LRCH1: variants seen among roughly 807,000 people sequenced by gnomAD.
LRCH1 encodes the protein leucine rich repeats and calponin homology domain containing 1, also known as leucine-rich repeat and calponin homology domain-containing protein 1.
In LRCH1, 23 loss-of-function variants were observed where a neutral mutation model predicts 94.9. The observed-to-expected ratio is 0.24, with a 90% confidence interval of 0.17 to 0.34. The LOEUF is 0.34. LRCH1 is among the 10% of genes least tolerant of loss of function. The pLI is 1.00. For missense variants in LRCH1, 790 were observed against 945.9 expected, an observed-to-expected ratio of 0.84 and a Z score of 2.16; for synonymous variants, 364 against 354.9, an observed-to-expected ratio of 1.03 and a Z score of -0.29.
At chr13:46,611,850 A>T (rs956596777) in intron 1 of LRCH1, among the ~76,000 whole-genome samples, 4 of 152,242 alleles carry the variant, frequency 2.6e-5, no homozygotes, top group Non-Finnish European at 4.4e-5. Context: ...TAGGTGGCTT[A>T]CATAATGTTT....
At position 46,701,161 on chromosome 13, in the gene LRCH1, A is replaced by T; in HGVS notation, c.1354A>T (p.Ile452Phe). The change falls in exon 11 of 20, where the codon ATC (isoleucine) becomes TTC (phenylalanine). Residue 452 changes from isoleucine (I) to phenylalanine (F), a missense_variant. Around this residue, in one of 3 missense-constraint regions of LRCH1, gnomAD observed 460 missense variants for 508.9 expected, o/e 0.90. Coordinates refer to ENST00000389797, the MANE Select transcript of LRCH1 (RefSeq NM_001164211.2). ...AGATCAGGACATGGATATAGCAATG[A>T]TCGAGCAGCTGAGAGAAGCAGTAGA... is the stretch of plus-strand genomic sequence containing the variant. ...SKDQDMDIAM[I>F]EQLREAVDLL... The T allele has an allele frequency of 6.2e-7, 1 of 1,613,922 alleles. No homozygotes were observed. The highest frequency in any genetic ancestry group is 8.5e-7 in the Non-Finnish European group (1 of 1,179,812).
chr13:46,716,035 T>C (rs963939054), intron 16 of LRCH1, among the ~76,000 whole-genome samples: 7 of 152,108 alleles, frequency 4.6e-5, no homozygotes, highest in African/African-American at 1.7e-4. Context: ...GTTTGATATT[T>C]TACTATTTAT....
In LRCH1 at chr13:46,743,560, G is replaced by A; in HGVS notation, c.*1712G>A. The A allele has an allele frequency of 1.0e-6, 1 of 985,782 alleles. No individual in the cohort carries two copies. Among genetic ancestry groups the A allele is most frequent in the Non-Finnish European group, 1.2e-6 (1 of 829,924 alleles). 61.1% of individuals were successfully genotyped at this position (985,782 alleles called of 1,614,324 possible). On this transcript the variant is annotated 3_prime_UTR_variant, in exon 20 of 20. Coordinates refer to ENST00000389797, the MANE Select transcript of LRCH1 (RefSeq NM_001164211.2). ...GTACGATGTCTAATGAGCACCCTGA[G>A]CCATAAATTGCTTAATAAACACATT...
rs900744216 is a variant in LRCH1 at position 46,743,950 on chromosome 13, T to C, written c.*2102T>C. ...TTTTTTTGTGTCATTAATTTGTCTG[T>C]ACTCTGCTGCGCTGCACTTCTTGGG... On this transcript the variant is annotated 3_prime_UTR_variant, in exon 20 of 20. Coordinates refer to ENST00000389797, the MANE Select transcript of LRCH1 (RefSeq NM_001164211.2). 2 of 985,364 alleles carry C rather than the reference T, an allele frequency of 2.0e-6. No homozygotes were observed. Among genetic ancestry groups the C allele is most frequent in the Non-Finnish European group, 2.4e-6 (2 of 829,942 alleles). The allele number at this position is 985,364 out of a possible 1,614,324, so 61.0% of individuals were successfully genotyped here. A position where few individuals can be genotyped will look rare whatever the true frequency, so the allele number is the denominator to read the frequency against.
chr13:46,599,489 C>T (rs79397667), intron 1 of LRCH1, among the ~76,000 whole-genome samples: 2,421 of 152,280 alleles, frequency 0.016, 65 homozygotes, highest in African/African-American at 0.054. Context: ...GTTCCAGTTT[C>T]TCCACATCCT....
At position 46,650,220 on chromosome 13, in the gene LRCH1, G is replaced by A; in HGVS notation, c.327G>A (p.Leu109=). 6.2e-7 allele frequency: 1 copy of A among 1,611,306 alleles called. No individual in the cohort carries two copies. The highest frequency in any genetic ancestry group is 1.3e-5 in the African/African-American group (1 of 74,954). The part of the protein sequence containing the change: ...TVQADLSKNR[L]VEVPMELCHF... ...TTATAGACTTATCTAAAAACAGACT[G>A]GTTGAAGTTCCAATGGAATTGTGCC... is the stretch of plus-strand genomic sequence containing the variant. Residue 109 remains leucine, a synonymous_variant, in exon 2 of 20, where the codon CTG becomes CTA. Transcript: ENST00000389797.
At chr13:46,692,394 TG>T (rs1480914167) in intron 7 of LRCH1, 141 bp from the exon 8 acceptor site, 1 of 577,654 alleles carries the variant, frequency 1.7e-6, no homozygotes, top group African/African-American at 1.9e-5. Flanking sequence ...CTTACATAAG[TG>T]GAATTGACCT....
intron 13 of LRCH1, among the ~76,000 whole-genome samples, chr13:46,708,734 G>A (rs1477373540): frequency 1.3e-5 from 2 of 152,152 alleles, no homozygotes; most frequent in Non-Finnish European, 2.9e-5. Context: ...TGTTTTATTT[G>A]GAGCTTCCTC....
chr13:46,713,972 T>G (rs1872196042), intron 15 of LRCH1, among the ~76,000 whole-genome samples: 1 of 152,250 alleles, frequency 6.6e-6, no homozygotes, highest in Non-Finnish European at 1.5e-5. Context: ...CTTCAGAGAA[T>G]AATATTCTTT....
At chr13:46,578,520 C>T (rs754106) in intron 1 of LRCH1, among the ~76,000 whole-genome samples, 96,115 of 152,128 alleles carry the variant, frequency 0.63, 30,992 homozygotes, top group African/African-American at 0.76. Flanking sequence ...CAATTGCATG[C>T]ATTCTAAGTG....
At chr13:46,588,093 T>G (rs112864653) in intron 1 of LRCH1, among the ~76,000 whole-genome samples, 6 of 152,322 alleles carry the variant, frequency 3.9e-5, no homozygotes, top group African/African-American at 1.2e-4. Context: ...CTGACAGAAT[T>G]GTAAAAACAC....
intron 1 of LRCH1, among the ~76,000 whole-genome samples, chr13:46,618,729 T>G (rs2050842121): frequency 6.6e-6 from 1 of 152,226 alleles, no homozygotes; most frequent in African/African-American, 2.4e-5. Context: ...CTACAAAAGA[T>G]AGTGTACTCG....
At chr13:46,561,659 T>G (rs1361660306) in intron 1 of LRCH1, among the ~76,000 whole-genome samples, 5 of 152,240 alleles carry the variant, frequency 3.3e-5, no homozygotes, top group African/African-American at 1.2e-4. Context: ...ACTTTATCTC[T>G]GCAGGCAATG....
intron 19 of LRCH1, among the ~76,000 whole-genome samples, chr13:46,734,594 A>G (rs940930429): frequency 2.6e-5 from 4 of 152,194 alleles, no homozygotes; most frequent in Admixed American, 2.6e-4. Flanking sequence ...ATTCAATTAC[A>G]TATAGTTTGC....
At chr13:46,723,452 T>G (rs1005667807) in intron 17 of LRCH1, 122 bp downstream of exon 17, 2 of 726,812 alleles carry the variant, frequency 2.8e-6, no homozygotes, top group Admixed American at 5.4e-5. Context: ...ACTTAGTGAC[T>G]GCTGGATGTT....
intron 1 of LRCH1, among the ~76,000 whole-genome samples, 191 bp from the exon 2 acceptor site, chr13:46,650,010 A>C (rs529765718): frequency 6.6e-6 from 1 of 152,294 alleles, no homozygotes; most frequent in Admixed American, 6.5e-5. Context: ...CAAATCCCAC[A>C]TGTCCCAGAA....
downstream of LRCH1, among the ~76,000 whole-genome samples, chr13:46,745,106 T>C (rs1873858357): frequency 6.6e-6 from 1 of 152,132 alleles, no homozygotes; most frequent in Non-Finnish European, 1.5e-5. Flanking sequence ...TGCAAGCTTG[T>C]TTCATAAAGG....
intron 2 of LRCH1, among the ~76,000 whole-genome samples, chr13:46,651,207 A>G (rs1031870621): frequency 6.6e-6 from 1 of 152,216 alleles, no homozygotes; most frequent in Non-Finnish European, 1.5e-5. Flanking sequence ...TTAGTGTGCA[A>G]AGGGGAGCAA....
downstream of LRCH1, among the ~76,000 whole-genome samples, chr13:46,747,117 G>A (rs1018688736): frequency 6.6e-6 from 1 of 152,058 alleles, no homozygotes; most frequent in African/African-American, 2.4e-5. Flanking sequence ...GAATTTGAGG[G>A]GTATCTTTTT....
Sources: gnomAD v4.1 joint callset for allele counts (sites outside exome capture counted in the v4.1 genomes callset) on GRCh38, gnomAD v4.1.1 for gene constraint, gnomAD v4.1.1 regional missense constraint, MANE v1.5 for transcripts, NCBI Gene and HGNC (gene_info 2026-07-23, HGNC 2026-07-21) for gene names.